The following SLFN5 variants were observed in gnomAD, a reference collection of about 807,000 sequenced individuals.
The protein encoded by SLFN5 is schlafen family member 5.
SLFN5 carries 34 observed loss-of-function variants against 48.5 expected under a neutral mutation model. That is an observed-to-expected ratio of 0.70 (90% CI 0.53 to 0.93). The LOEUF (loss-of-function observed/expected upper bound fraction) is 0.93, where lower values mean the gene tolerates loss of function less well. SLFN5 is among the 40% of genes least tolerant of loss of function. The pLI is 0.00. For missense variants in SLFN5, 1,006 were observed against 1,071.3 expected, an observed-to-expected ratio of 0.94 and a Z score of 0.85; for synonymous variants, 387 against 396.2, an observed-to-expected ratio of 0.98 and a Z score of 0.28.
chr17:35,256,765 G>T (rs536710371), intron 1 of SLFN5, among the ~76,000 whole-genome samples: 1 of 152,106 alleles, frequency 6.6e-6, no homozygotes, highest in African/African-American at 2.4e-5. Context: ...GTCATAAAAA[G>T]CCTCTTTTGA....
rs1024662893 is a variant in SLFN5, at chr17:35,270,188, T to C, written c.*4300T>C. The C allele has an allele frequency of 6.6e-6, 1 of 152,198 alleles. No homozygotes were observed. The highest frequency in any genetic ancestry group is 1.5e-5 in the Non-Finnish European group (1 of 68,032). The allele number at this position is 152,198 out of a possible 1,614,324, so 9.4% of individuals were successfully genotyped here. A position where few individuals can be genotyped will look rare whatever the true frequency, so the allele number is the denominator to read the frequency against. On this transcript the variant is annotated 3_prime_UTR_variant, in exon 5 of 5. Coordinates refer to ENST00000299977, the MANE Select transcript of SLFN5 (RefSeq NM_144975.4). ...ATATATTTTTAAAAGCTTTCTGGAA[T>C]ATTATTAACCTTGAATATTTCTAGT...
chr17:35,265,652 A>G lies in SLFN5; in HGVS notation c.2440A>G (p.Arg814Gly). The G allele has an allele frequency of 6.2e-7, 1 of 1,614,264 alleles. No homozygotes were observed. Among genetic ancestry groups the G allele is most frequent in the Non-Finnish European group, 8.5e-7 (1 of 1,180,036 alleles). The change falls in exon 5 of 5, where the codon AGA becomes GGA. Residue 814 changes from arginine to glycine, a missense_variant. By Grantham distance (125) the Arg-to-Gly change is moderately radical. Coordinates refer to ENST00000299977, the MANE Select transcript of SLFN5 (RefSeq NM_144975.4). ...CAGGCTTCTAACAGCAATGAGGAAG[A>G]GAAAACTGTCTCAGCTCCATGAGGA... The part of the protein sequence containing the change: ...KDRLLTAMRK[R>G]KLSQLHEESD...
intron 1 of SLFN5, among the ~76,000 whole-genome samples, chr17:35,255,747 A>G (rs1384031399): frequency 6.6e-6 from 1 of 152,260 alleles, no homozygotes; most frequent in East Asian, 1.9e-4. Context: ...TTAAAAAAAT[A>G]TTAAAATAAA....
At chr17:35,263,811 C>CAAAA (rs370619332) in intron 3 of SLFN5, among the ~76,000 whole-genome samples, 4 of 122,374 alleles carry the variant, frequency 3.3e-5, no homozygotes, top group East Asian at 2.3e-4. Context: ...GACTCCATCT[C>CAAAA]AAAAAAAAAA....
intron 3 of SLFN5, among the ~76,000 whole-genome samples, chr17:35,263,298 G>A (rs1298502084): frequency 6.6e-6 from 1 of 151,310 alleles, no homozygotes. Context: ...GCCCGGCTAA[G>A]TTTTGTATTT....
chr17:35,270,991 T>G lies in SLFN5; in HGVS notation c.*5103T>G, dbSNP rs1358221356. ...TCTTTTTTAATCCTAAAAGAAAAAG[T>G]TTGGAAAATCTACAAAAAGAAGTGT... On this transcript the variant is annotated 3_prime_UTR_variant, in exon 5 of 5. Coordinates refer to ENST00000299977, the MANE Select transcript of SLFN5 (RefSeq NM_144975.4). 6.6e-6 allele frequency: 1 copy of G among 152,142 alleles called. No individual in the cohort carries two copies. The highest frequency in any genetic ancestry group is 1.5e-5 in the Non-Finnish European group (1 of 68,024). 9.4% of individuals were successfully genotyped at this position (152,142 alleles called of 1,614,324 possible). A position where few individuals can be genotyped will look rare whatever the true frequency, so the allele number is the denominator to read the frequency against.
intron 1 of SLFN5, among the ~76,000 whole-genome samples, chr17:35,258,066 C>G (rs548329475): frequency 9.8e-5 from 15 of 152,340 alleles, no homozygotes; most frequent in African/African-American, 3.6e-4. Flanking sequence ...AAATACACAG[C>G]ATAAATATAA....
chr17:35,266,175 T>TGTGTGTGCGCGCGC lies in SLFN5; in HGVS notation c.*290_*291insTGTGCGCGCGCGTG, dbSNP rs1904685068. On this transcript the variant is annotated 3_prime_UTR_variant, in exon 5 of 5. Coordinates refer to ENST00000299977, the MANE Select transcript of SLFN5 (RefSeq NM_144975.4). ...GTGTGTGTGTGTGTGTGTGTGTGTG[T>TGTGTGTGCGCGCGC]GTGCGCGCGCGCACGTGCACATGTG... is the stretch of plus-strand genomic sequence containing the variant. The TGTGTGTGCGCGCGC allele has an allele frequency of 1.0e-5, 2 of 199,890 alleles. No individual in the cohort carries two copies. The highest frequency in any genetic ancestry group is 1.9e-5 in the Non-Finnish European group (2 of 103,532). 12.4% of individuals were successfully genotyped at this position (199,890 alleles called of 1,614,324 possible).
At chr17:35,250,229 T>C (rs2092439195) in intron 1 of SLFN5, among the ~76,000 whole-genome samples, 1 of 152,250 alleles carries the variant, frequency 6.6e-6, no homozygotes, top group Admixed American at 6.5e-5. Context: ...AAATTTTCTC[T>C]GCCTTTTTCA....
intron 1 of SLFN5, among the ~76,000 whole-genome samples, chr17:35,258,054 C>G (rs910477096): frequency 1.3e-5 from 2 of 152,184 alleles, no homozygotes; most frequent in African/African-American, 4.8e-5. Flanking sequence ...CAGATAGTTA[C>G]TAAATACACA....
chr17:35,265,957 C>A lies in SLFN5; in HGVS notation c.*69C>A. ...TAATTAACTGTGAAACCATTTAATC[C>A]AAACATGTAAGCACACACTCACTTA... On this transcript the variant is annotated 3_prime_UTR_variant, in exon 5 of 5. Coordinates refer to ENST00000299977, the MANE Select transcript of SLFN5 (RefSeq NM_144975.4). 6.9e-7 allele frequency: 1 copy of A among 1,449,586 alleles called. No homozygotes were observed. Among genetic ancestry groups the A allele is most frequent in the Non-Finnish European group, 9.3e-7 (1 of 1,078,276 alleles). The allele number at this position is 1,449,586 out of a possible 1,614,324, so 89.8% of individuals were successfully genotyped here.
rs1234488900 is a variant in SLFN5, at chr17:35,267,956, T to C, written c.*2068T>C. On this transcript the variant is annotated 3_prime_UTR_variant, in exon 5 of 5. Transcript: ENST00000299977. ...AACTCCTGATTGTCCCCAGGGACTC[T>C]CCGTGGACACAGGAGGGATTTTCCA... 6.6e-6 allele frequency: 1 copy of C among 152,206 alleles called. No individual in the cohort carries two copies. The highest frequency in any genetic ancestry group is 1.5e-5 in the Non-Finnish European group (1 of 68,050). The allele number at this position is 152,206 out of a possible 1,614,324, so 9.4% of individuals were successfully genotyped here. A position where few individuals can be genotyped will look rare whatever the true frequency, so the allele number is the denominator to read the frequency against.
At chr17:35,247,272 C>T (rs1287086202) in intron 1 of SLFN5, among the ~76,000 whole-genome samples, 1 of 152,172 alleles carries the variant, frequency 6.6e-6, no homozygotes, top group Admixed American at 6.5e-5. Flanking sequence ...TGAGCATTCC[C>T]TTTTTGTCAC....
rs1478937052 is a variant in SLFN5 at position 35,271,043 on chromosome 17, C to T, written c.*5155C>T. On this transcript the variant is annotated 3_prime_UTR_variant, in exon 5 of 5. Transcript: ENST00000299977. ...AATTTGACAATAACTATTTCACTAG[C>T]AAGGGTAGACGTAAGCAGAATACAG... 1 of 152,122 alleles carries T rather than the reference C, an allele frequency of 6.6e-6. No homozygotes were observed. The allele number at this position is 152,122 out of a possible 1,614,324, so 9.4% of individuals were successfully genotyped here.
Position 35,267,449 on chromosome 17 carries a change from T to C in SLFN5, c.*1561T>C, listed in dbSNP as rs1904729654. 6.6e-6 allele frequency: 1 copy of C among 152,164 alleles called. No individual in the cohort carries two copies. Among genetic ancestry groups the C allele is most frequent in the Admixed American group, 6.5e-5 (1 of 15,270 alleles). The allele number at this position is 152,164 out of a possible 1,614,324, so 9.4% of individuals were successfully genotyped here. A position where few individuals can be genotyped will look rare whatever the true frequency, so the allele number is the denominator to read the frequency against. ...GCTCATGCTTGTGATCCCAGGACTT[T>C]AGGAGGCCAAGGTGGGAGGATTGTT... On this transcript the variant is annotated 3_prime_UTR_variant, in exon 5 of 5. Transcript: ENST00000299977.
intron 1 of SLFN5, among the ~76,000 whole-genome samples, chr17:35,250,738 TCTC>T (rs944491525): frequency 6.6e-6 from 1 of 151,768 alleles, no homozygotes. Context: ...ATAAAAATGA[TCTC>T]CTACTTTGTT....
chr17:35,247,486 G>A (rs2092433498), intron 1 of SLFN5, among the ~76,000 whole-genome samples: 1 of 152,204 alleles, frequency 6.6e-6, no homozygotes, highest in Non-Finnish European at 1.5e-5. Context: ...CAAACAGGAT[G>A]GCTGCTACAG....
chr17:35,266,173 TGTGTGC>T lies in SLFN5; in HGVS notation c.*287_*292del. On this transcript the variant is annotated 3_prime_UTR_variant, in exon 5 of 5. Coordinates refer to ENST00000299977, the MANE Select transcript of SLFN5 (RefSeq NM_144975.4). Reference sequence around the variant, plus strand: ...GTGTGTGTGTGTGTGTGTGTGTGTGTGTGTGCGCGCGCGCACGTGCACATGTGTGTA... The same window carrying T: ...GTGTGTGTGTGTGTGTGTGTGTGTGTGCGCGCGCACGTGCACATGTGTGTA... 1 of 250,392 alleles carries T rather than the reference TGTGTGC, an allele frequency of 4.0e-6. No homozygotes were observed. Among genetic ancestry groups the T allele is most frequent in the Non-Finnish European group, 7.4e-6 (1 of 134,660 alleles). The allele number at this position is 250,392 out of a possible 1,614,324, so 15.5% of individuals were successfully genotyped here. A position where few individuals can be genotyped will look rare whatever the true frequency, so the allele number is the denominator to read the frequency against.
intron 1 of SLFN5, among the ~76,000 whole-genome samples, chr17:35,253,152 G>T (rs1012856700): frequency 1.3e-5 from 2 of 151,946 alleles, no homozygotes; most frequent in Non-Finnish European, 2.9e-5. Flanking sequence ...GCATGGTAGC[G>T]GGGGTGTATA....
Sources: allele counts gnomAD v4.1 joint callset (sites outside exome capture counted in the v4.1 genomes callset), GRCh38; gene constraint gnomAD v4.1.1; transcripts MANE v1.5; gene names NCBI Gene and HGNC (gene_info 2026-07-23, HGNC 2026-07-21).